GULP1: variants seen among roughly 807,000 people sequenced by gnomAD.
GULP1 encodes the protein GULP PTB domain containing engulfment adaptor 1.
A neutral mutation model predicts 40.9 loss-of-function variants in GULP1; 19 were observed. That is an observed-to-expected ratio of 0.46 (90% confidence interval 0.32 to 0.68). The LOEUF is 0.68. Ranked by LOEUF, GULP1 falls within the 30% of genes least tolerant of loss-of-function variation. The pLI is 0.03. For synonymous variants in GULP1, 119 were observed against 117.6 expected (o/e 1.01, Z -0.08); for missense variants, 312 against 362.2 (o/e 0.86, Z 1.12).
intron 4 of GULP1, among the ~76,000 whole-genome samples, chr2:188,510,362 A>G (rs180886150): frequency 0.012 from 1,795 of 152,206 alleles, 19 homozygotes; most frequent in South Asian, 0.048. Flanking sequence ...GTGATCAAGG[A>G]AAATTAAATA....
chr2:188,559,590 G>T (rs932928024), intron 7 of GULP1, among the ~76,000 whole-genome samples: 13 of 152,198 alleles, frequency 8.5e-5, no homozygotes, highest in Non-Finnish European at 2.9e-5. Flanking sequence ...AGGCAGAAGA[G>T]ACTAGCCTTG....
At chr2:188,374,624 T>C (rs2048058376) in intron 1 of GULP1, among the ~76,000 whole-genome samples, 1 of 152,174 alleles carries the variant, frequency 6.6e-6, no homozygotes, top group Admixed American at 6.5e-5. Flanking sequence ...CTGATTGTAT[T>C]TTCTTTATTT....
At chr2:188,427,955 G>T (rs1395221420) in intron 2 of GULP1, among the ~76,000 whole-genome samples, 2 of 152,196 alleles carry the variant, frequency 1.3e-5, no homozygotes, top group Non-Finnish European at 2.9e-5. Flanking sequence ...GAGTAGCCAT[G>T]GGGGCTGAGC....
intron 10 of GULP1, among the ~76,000 whole-genome samples, chr2:188,584,983 C>A (rs1441203410): frequency 6.6e-6 from 1 of 152,070 alleles, no homozygotes; most frequent in Non-Finnish European, 1.5e-5. Flanking sequence ...AAATAAAAAG[C>A]AAGTTAGTTA....
At chr2:188,543,249 A>G (rs1260399604) in intron 7 of GULP1, among the ~76,000 whole-genome samples, 1 of 152,206 alleles carries the variant, frequency 6.6e-6, no homozygotes, top group Non-Finnish European at 1.5e-5. Flanking sequence ...GCAGTGGTTC[A>G]CAATCATTAA....
intron 2 of GULP1, among the ~76,000 whole-genome samples, chr2:188,394,716 T>C (rs1228933448): frequency 6.6e-6 from 1 of 152,222 alleles, no homozygotes; most frequent in East Asian, 1.9e-4. Context: ...AAATTCCTTT[T>C]GTCTCCATTA....
chr2:188,484,117 A>T (rs929695871), intron 4 of GULP1, among the ~76,000 whole-genome samples: 2 of 152,014 alleles, frequency 1.3e-5, no homozygotes, highest in African/African-American at 4.8e-5. Context: ...CGTGTTGCCC[A>T]TGCTGGTCTC....
At chr2:188,340,528 C>T (rs1257440433) in intron 1 of GULP1, among the ~76,000 whole-genome samples, 2 of 152,280 alleles carry the variant, frequency 1.3e-5, no homozygotes, top group South Asian at 4.1e-4. Flanking sequence ...GGGGAGTACT[C>T]ATGACCCCTG....
intron 2 of GULP1, among the ~76,000 whole-genome samples, chr2:188,397,916 G>A (rs1002868820): frequency 5.3e-5 from 8 of 152,216 alleles, no homozygotes; most frequent in African/African-American, 1.9e-4. Context: ...CATCCCATCT[G>A]TAGTGAGTTG....
At chr2:188,308,066 G>GCA (rs199623114) in intron 1 of GULP1, among the ~76,000 whole-genome samples, 106,944 of 151,186 alleles carry the variant, frequency 0.71, 38,162 homozygotes, top group East Asian at 0.95. Context: ...CTCTCACTCA[G>GCA]CTCTTGATCA....
At position 188,483,512 on chromosome 2, in the gene GULP1, T is replaced by C; in HGVS notation, c.90+20T>C. On this transcript the variant is annotated intron_variant, in intron 4 of 11. Coordinates refer to ENST00000409830, the MANE Select transcript of GULP1 (RefSeq NM_016315.4). ...GCAAAGGTAAAAATAGTTCATTTAT[T>C]ATTTAATTTTATTTTGTTATAGTAT... The C allele has an allele frequency of 9.7e-7, 1 of 1,029,872 alleles. No homozygotes were observed. Among genetic ancestry groups the C allele is most frequent in the Non-Finnish European group, 1.5e-6 (1 of 687,678 alleles). 63.8% of individuals were successfully genotyped at this position (1,029,872 alleles called of 1,614,324 possible). A position where few individuals can be genotyped will look rare whatever the true frequency, so the allele number is the denominator to read the frequency against.
At chr2:188,582,261 A>C (rs1701472757) in intron 9 of GULP1, 1 of 409,840 alleles carries the variant, frequency 2.4e-6, no homozygotes, top group Admixed American at 2.7e-5. Context: ...ACCATTTTAC[A>C]AATAAATTTC....
chr2:188,343,717 G>T (rs1458041237), intron 1 of GULP1, among the ~76,000 whole-genome samples: 1 of 152,022 alleles, frequency 6.6e-6, no homozygotes, highest in African/African-American at 2.4e-5. Context: ...TTCCTCAAAG[G>T]GTAGGAGAAC....
chr2:188,478,543 G>A (rs2061211497), intron 3 of GULP1, among the ~76,000 whole-genome samples: 1 of 152,072 alleles, frequency 6.6e-6, no homozygotes, highest in Non-Finnish European at 1.5e-5. Context: ...GCAAGAAGGT[G>A]ATGATACATG....
In GULP1 at chr2:188,584,365, C is replaced by T. The variant is rs1218089102; in HGVS notation, c.710C>T (p.Thr237Ile). Reference sequence around the variant, plus strand: ...TCTTCGATGCCTACTCGCAATGGCACACAGCCACCTCCAGTACCTAGTAGA... The same window carrying T: ...TCTTCGATGCCTACTCGCAATGGCATACAGCCACCTCCAGTACCTAGTAGA... ...HQSSMPTRNG[T>I]QPPPVPSRST... The change falls in exon 10 of 12, where the codon ACA (threonine) becomes ATA (isoleucine). Residue 237 changes from threonine to isoleucine, a missense_variant. Physicochemically the swap from Thr to Ile is moderately conservative, Grantham distance 89. Transcript: ENST00000409830. The T allele has an allele frequency of 6.2e-7, 1 of 1,606,664 alleles. No homozygotes were observed. Among genetic ancestry groups the T allele is most frequent in the Non-Finnish European group, 8.5e-7 (1 of 1,173,496 alleles).
chr2:188,548,863 A>ATTTTG (rs1559367546), intron 7 of GULP1, among the ~76,000 whole-genome samples: 6 of 70,742 alleles, frequency 8.5e-5, no homozygotes, highest in African/African-American at 2.9e-4. Context: ...GTTTTGTTTT[A>ATTTTG]TTTTGTTTTC....
At position 188,292,540 on chromosome 2, in the gene GULP1, A is replaced by C. The variant is rs1574141096; in HGVS notation, c.-172+374A>C. On this transcript the variant is annotated intron_variant, in intron 1 of 11. Transcript: ENST00000409830. The surrounding 1 kb of genome is among the most constrained non-coding windows in gnomAD (Gnocchi z 4.0). ...GGCGGCGGGGGGCCGGTGAGCAGGA[A>C]CTGGAGGGAGGCGGTGGGGAAACCG... 2.0e-5 allele frequency among the ~76,000 whole-genome samples: 3 copies of C among 151,222 alleles called. No homozygotes were observed. The highest frequency in any genetic ancestry group is 4.0e-4 in the East Asian group (2 of 5,056).
chr2:188,442,546 T>G (rs1042571604), intron 2 of GULP1, among the ~76,000 whole-genome samples: 1 of 152,248 alleles, frequency 6.6e-6, no homozygotes, highest in African/African-American at 2.4e-5. Flanking sequence ...GTACTTTTTT[T>G]GTTTGTTTTA....
chr2:188,309,366 T>C (rs2037680639), intron 1 of GULP1, among the ~76,000 whole-genome samples: 1 of 152,018 alleles, frequency 6.6e-6, no homozygotes, highest in Admixed American at 6.6e-5. Flanking sequence ...CTCAGGAGGC[T>C]GAGGTGGGAG....
Sources: gnomAD v4.1 joint callset for allele counts (sites outside exome capture counted in the v4.1 genomes callset) on GRCh38, gnomAD v4.1.1 for gene constraint, Gnocchi (gnomAD v3.1) non-coding constraint, MANE v1.5 for transcripts, NCBI Gene and HGNC (gene_info 2026-07-23, HGNC 2026-07-21) for gene names.